LINGO2: variants seen among roughly 807,000 people sequenced by gnomAD.
LINGO2 encodes leucine rich repeat and Ig domain containing 2.
Under a neutral mutation model 30.6 loss-of-function variants are expected in LINGO2, and 14 were observed. That is an observed-to-expected ratio of 0.46 (90% CI 0.30 to 0.72). The LOEUF is 0.72. Ranked by LOEUF, LINGO2 falls within the 30% of genes least tolerant of loss-of-function variation. The pLI is 0.07. For missense variants in LINGO2, 729 were observed against 751.7 expected (o/e 0.97, Z 0.35); for synonymous variants, 317 against 288.5 (o/e 1.10, Z -1.00).
chr9:28,832,326 C>T, the LINGO2 span, among the ~76,000 whole-genome samples: 4 of 152,266 alleles, frequency 2.6e-5, no homozygotes, highest in East Asian at 5.8e-4. Flanking sequence ...TTTTCCTAAA[C>T]ATGCTTTTAC....
intron 1 of LINGO2, among the ~76,000 whole-genome samples, chr9:28,514,537 A>G (rs1468128907): frequency 6.6e-6 from 1 of 152,208 alleles, no homozygotes; most frequent in African/African-American, 2.4e-5. Context: ...ACCAGCTACA[A>G]CATTCTCTAA....
downstream of LINGO2, among the ~76,000 whole-genome samples, chr9:27,944,892 G>A (rs1296646903): frequency 6.6e-6 from 1 of 152,110 alleles, no homozygotes. Flanking sequence ...TTCAGTGAAA[G>A]TCAAGGAAGA....
chr9:28,382,428 A>G (rs1327526999), intron 2 of LINGO2, among the ~76,000 whole-genome samples: 1 of 152,152 alleles, frequency 6.6e-6, no homozygotes, highest in Non-Finnish European at 1.5e-5. Context: ...AAATACCTAC[A>G]ACACATTGTG....
At chr9:28,553,829 C>G (rs1325457781) in intron 1 of LINGO2, among the ~76,000 whole-genome samples, 16 of 152,014 alleles carry the variant, frequency 1.1e-4, no homozygotes, top group South Asian at 2.1e-4. Flanking sequence ...CCAGAAGAGA[C>G]TGGGGGCCGA....
At chr9:28,187,933 A>G (rs544339649) in intron 4 of LINGO2, among the ~76,000 whole-genome samples, 1 of 152,132 alleles carries the variant, frequency 6.6e-6, no homozygotes, top group Non-Finnish European at 1.5e-5. Context: ...TTAATTCCAA[A>G]CTATGATTTG....
intron 1 of LINGO2, among the ~76,000 whole-genome samples, chr9:28,587,146 G>A (rs979053843): frequency 2.0e-5 from 3 of 151,942 alleles, no homozygotes; most frequent in African/African-American, 7.2e-5. Flanking sequence ...GCCATTGTGA[G>A]GGGAAAAAAC....
rs150139653 is a variant in LINGO2 at position 28,082,379 on chromosome 9, T to TA, written c.-86-69975dup. 6.3e-3 allele frequency among the ~76,000 whole-genome samples: 955 copies of TA among 152,254 alleles called. 12 individuals carry two copies. The highest frequency in any genetic ancestry group is 0.022 in the African/African-American group (902 of 41,550). On this transcript the variant is annotated intron_variant, in intron 4 of 5. Transcript: ENST00000379992. ...CAACATGATTACAAATTGTCAGATT[T>TA]AAAAAAATCATGCTGTTGGTTGTGT...
At chr9:29,070,447 T>C in the LINGO2 span, among the ~76,000 whole-genome samples, 29,948 of 152,086 alleles carry the variant, frequency 0.2, 3,095 homozygotes, top group African/African-American at 0.24. Flanking sequence ...CCTCCATGGA[T>C]GGCAATGGTA....
intron 4 of LINGO2, among the ~76,000 whole-genome samples, chr9:28,136,373 TC>T (rs999006340): frequency 8.0e-4 from 122 of 152,324 alleles, no homozygotes; most frequent in African/African-American, 2.4e-3. Flanking sequence ...CTATCCAGGT[TC>T]CCACACAGGG....
At position 28,016,942 on chromosome 9, in the gene LINGO2, C is replaced by T. The variant is rs113089269; in HGVS notation, c.-86-4537G>A. Among the ~76,000 whole-genome samples, 778 of 152,134 alleles carry T rather than the reference C, an allele frequency of 5.1e-3. 8 individuals carry two copies. Among genetic ancestry groups the T allele is most frequent in the African/African-American group, 0.017 (708 of 41,504 alleles). On this transcript the variant is annotated intron_variant, in intron 4 of 5. Coordinates refer to ENST00000379992, the Ensembl canonical transcript of LINGO2. ...TGAACATAGATGGAAAAATCCTCAA[C>T]AAAATACTAGCAAACCAAAACCTGC...
At chr9:28,860,585 T>G in the LINGO2 span, among the ~76,000 whole-genome samples, 1 of 151,008 alleles carries the variant, frequency 6.6e-6, no homozygotes, top group Non-Finnish European at 1.5e-5. Flanking sequence ...GAAAGATAGA[T>G]AGATGGATAG....
chr9:28,528,566 A>T (rs10968646), intron 1 of LINGO2, among the ~76,000 whole-genome samples: 132 of 152,304 alleles, frequency 8.7e-4, no homozygotes, highest in African/African-American at 3.2e-3. Flanking sequence ...AACACTGCTT[A>T]CATTTTGTAT....
At chr9:28,474,375 C>T (rs1825645824) in intron 2 of LINGO2, among the ~76,000 whole-genome samples, 1 of 150,042 alleles carries the variant, frequency 6.7e-6, no homozygotes. Flanking sequence ...CTTAACTTAC[C>T]TTCTCAAAGA....
rs142191148 is a variant in LINGO2, at chr9:27,997,542, C to T, written c.-36+14813G>A. On this transcript the variant is annotated intron_variant, in intron 5 of 5. Coordinates refer to ENST00000379992, the Ensembl canonical transcript of LINGO2. ...ATAACATATTTTTTCTAATGAATTA[C>T]TAAGTACTTTTATGCTCAGACTGTA... Among the ~76,000 whole-genome samples, 861 of 152,278 alleles carry T rather than the reference C, an allele frequency of 5.7e-3. 8 individuals carry two copies. Among genetic ancestry groups the T allele is most frequent in the African/African-American group, 0.02 (816 of 41,546 alleles).
intron 4 of LINGO2, among the ~76,000 whole-genome samples, chr9:28,033,745 A>G (rs956278978): frequency 1.4e-4 from 22 of 152,338 alleles, no homozygotes; most frequent in African/African-American, 5.1e-4. Context: ...AAACTTATTG[A>G]AAAGTATAAC....
intron 2 of LINGO2, among the ~76,000 whole-genome samples, chr9:28,411,096 G>T (rs1374929508): frequency 1.3e-5 from 2 of 152,020 alleles, no homozygotes; most frequent in Non-Finnish European, 2.9e-5. Flanking sequence ...TCCTTTAAAT[G>T]TGATAGCATA....
At chr9:28,017,786 A>C (rs539468917) in intron 4 of LINGO2, among the ~76,000 whole-genome samples, 1 of 152,288 alleles carries the variant, frequency 6.6e-6, no homozygotes, top group African/African-American at 2.4e-5. Flanking sequence ...ATGCTGCCCA[A>C]AGCAGTATGA....
chr9:28,120,894 GA>G (rs978662211), intron 4 of LINGO2, among the ~76,000 whole-genome samples: 2 of 150,754 alleles, frequency 1.3e-5, no homozygotes, highest in African/African-American at 4.9e-5. Context: ...AGTGAAATAG[GA>G]AAAAAAAGTA....
chr9:29,172,929 C>T, the LINGO2 span, among the ~76,000 whole-genome samples: 35,599 of 151,750 alleles, frequency 0.23, 5,149 homozygotes, highest in East Asian at 0.35. Context: ...CACACACACA[C>T]AACACTGTAT....
Sources: allele counts gnomAD v4.1 joint callset (sites outside exome capture counted in the v4.1 genomes callset), GRCh38; gene constraint gnomAD v4.1.1; transcripts MANE v1.5; gene names NCBI Gene and HGNC (gene_info 2026-07-23, HGNC 2026-07-21).